Variants in PGAP6 observed in about 807,000 individuals in gnomAD.
The protein encoded by PGAP6 is post-GPI attachment to proteins factor 6.
In PGAP6, 62 loss-of-function variants were observed where a neutral mutation model predicts 68.4. That is an observed-to-expected ratio of 0.91 (90% CI 0.74 to 1.12). The LOEUF (loss-of-function observed/expected upper bound fraction) is 1.12, where lower values mean the gene tolerates loss of function less well. Among genes scored for constraint, PGAP6 ranks in the 50% most tolerant of loss-of-function variants. The probability of loss-of-function intolerance (pLI) is 0.00; values close to 1 mark genes in which losing one functional copy is unlikely to be tolerated. For missense variants in PGAP6, 1,188 were observed against 1,068.5 expected (o/e 1.11, Z -1.56); for synonymous variants, 575 against 474.0 (o/e 1.21, Z -2.77).
chr16:376,774 T>C lies in PGAP6; in HGVS notation c.674A>G (p.Glu225Gly). ...VPDYTRELLL[E>G]LRDCVSNGSL... ...CCCATTGGACACGCAGTCCCGCAGC[T>C]CCAGCAGAAGCTCCCGCGTGTAATC... Residue 225 changes from glutamate to glycine, a missense_variant, in exon 5 of 13, where the codon GAG becomes GGG. By Grantham distance (98) the Glu-to-Gly change is moderately conservative. Transcript: ENST00000431232. 6.2e-7 allele frequency: 1 copy of C among 1,610,220 alleles called. No individual in the cohort carries two copies. Among genetic ancestry groups the C allele is most frequent in the East Asian group, 2.2e-5 (1 of 44,848 alleles).
upstream of PGAP6, among the ~76,000 whole-genome samples, chr16:383,759 G>C (rs923861404): frequency 1.3e-5 from 2 of 152,260 alleles, no homozygotes; most frequent in Non-Finnish European, 2.9e-5. Context: ...GGTTGACCTT[G>C]GAGGAGGAGA....
Position 377,607 on chromosome 16 carries a change from C to T in PGAP6, c.300-22G>A, listed in dbSNP as rs778804894. ...GTGCCTGGAGACGGGAGAGCAGCAC[C>T]GGGTTCAGGCACAGGGCTTGGCCAG... On this transcript the variant is annotated intron_variant, in intron 2 of 12. Coordinates refer to ENST00000431232, the MANE Select transcript of PGAP6 (RefSeq NM_021259.3). The T allele has an allele frequency of 2.4e-5, 37 of 1,563,816 alleles. No homozygotes were observed. The East Asian group carries it at 2.4e-4, about 10-fold the overall frequency.
At position 375,137 on chromosome 16, in the gene PGAP6, CA is replaced by C; in HGVS notation, c.1434del (p.Asn478LysfsTer22). On this transcript the variant is annotated frameshift_variant, in exon 8 of 13. Coordinates refer to ENST00000431232, the MANE Select transcript of PGAP6 (RefSeq NM_021259.3). LOFTEE classifies it high-confidence loss of function. Reference protein sequence around the residue: ...YLSLQLMCPENAEDCEQAVVH... With the variant: ...YLSLQLMCPEXAEDCEQAVVH... ...CTCTGCCCTAGGTTTACTTACTCAG[CA>C]TTCTCAGGGCACATGAGCTGCAGGG... 1 of 1,613,270 alleles carries C rather than the reference CA, an allele frequency of 6.2e-7. No homozygotes were observed. The highest frequency in any genetic ancestry group is 8.5e-7 in the Non-Finnish European group (1 of 1,179,944).
At chr16:375,502 C>A in intron 6 of PGAP6, 67 bp from the exon 7 acceptor site, 1 of 1,353,304 alleles carries the variant, frequency 7.4e-7, no homozygotes, top group Non-Finnish European at 1.1e-6. Context: ...ATCTGCCCCA[C>A]GTGCCAGCTC....
At chr16:382,193 C>T (rs2054450065), upstream of PGAP6, 2 of 391,724 alleles carry the variant, frequency 5.1e-6, no homozygotes, top group Non-Finnish European at 9.0e-6. Context: ...CGCGGGGGTC[C>T]CAGGACGGAG....
chr16:375,631 A>G (rs556873167), intron 6 of PGAP6, among the ~76,000 whole-genome samples, 196 bp from the exon 7 acceptor site: 308 of 150,750 alleles, frequency 2.0e-3, no homozygotes, highest in Non-Finnish European at 1.9e-3. Flanking sequence ...CCCTGGGTTC[A>G]TGCCATTCTC....
At position 372,278 on chromosome 16, in the gene PGAP6, G is replaced by GT. The variant is rs2054341773; in HGVS notation, c.2024dup (p.Tyr675Ter). ...AGCACTGGCGCCGGTGCCCGCAGCG[G>GT]TAAGCCTGGAGAAAACAGCCACGCA... ...AFVIMASMWA[Y>*]RCGHRRQCYP... The change falls in exon 13 of 13, where the codon TAC becomes TAAC. Residue 675 changes from tyrosine (Y) to a stop codon, truncating the protein, a stop_gained and frameshift_variant. Coordinates refer to ENST00000431232, the MANE Select transcript of PGAP6 (RefSeq NM_021259.3). LOFTEE classifies it low-confidence loss of function (END_TRUNC). The GT allele has an allele frequency of 1.2e-6, 2 of 1,607,800 alleles. No individual in the cohort carries two copies. The highest frequency in any genetic ancestry group is 1.7e-6 in the Non-Finnish European group (2 of 1,179,436).
chr16:372,432 G>A, intron 12 of PGAP6, 149 bp from the exon 13 acceptor site: 1 of 1,015,600 alleles, frequency 9.8e-7, no homozygotes, highest in Non-Finnish European at 1.5e-6. Context: ...AAGGCCACTG[G>A]TCCTCAGGCC....
intron 1 of PGAP6, among the ~76,000 whole-genome samples, chr16:379,902 C>T (rs919833331): frequency 8.5e-5 from 13 of 152,366 alleles, no homozygotes; most frequent in African/African-American, 3.1e-4. Flanking sequence ...TACACAGCCC[C>T]CTGCCTGCCC....
chr16:375,046 C>T (rs541020642), intron 8 of PGAP6, 87 bp downstream of exon 8: 260 of 1,581,928 alleles, frequency 1.6e-4, no homozygotes, highest in South Asian at 1.1e-3. Flanking sequence ...TGGGTCACTC[C>T]GAACGCCAAC....
upstream of PGAP6, chr16:384,492 A>C (rs2054468750): frequency 6.6e-6 from 1 of 152,290 alleles, no homozygotes; most frequent in Admixed American, 6.5e-5. Context: ...GCCACAACAG[A>C]TGCTCACACT....
intron 8 of PGAP6, 33 bp downstream of exon 8, chr16:375,100 C>T (rs1158812083): frequency 5.6e-6 from 9 of 1,608,464 alleles, no homozygotes; most frequent in Non-Finnish European, 7.6e-6. Context: ...TGACAGGGTG[C>T]CTGGCCCCCG....
rs2054388948 is a variant in PGAP6, at chr16:376,794, G to C, written c.654C>G (p.Tyr218Ter). ...GCAGCTCCAGCAGAAGCTCCCGCGTGTAATCGGGGACAAAGACCCTGCAGC... is the reference window on the plus strand; with the variant it reads ...GCAGCTCCAGCAGAAGCTCCCGCGTCTAATCGGGGACAAAGACCCTGCAGC... ...PSYLKVFVPD[Y>*]TRELLLELRD... is the part of the protein sequence containing the mutation. The change falls in exon 5 of 13, where the codon TAC (tyrosine) becomes TAG (stop). Residue 218 changes from tyrosine to a stop codon, truncating the protein, a stop_gained. Coordinates refer to ENST00000431232, the MANE Select transcript of PGAP6 (RefSeq NM_021259.3). LOFTEE classifies it high-confidence loss of function. The C allele has an allele frequency of 1.9e-6, 3 of 1,607,814 alleles. No individual in the cohort carries two copies. The highest frequency in any genetic ancestry group is 2.5e-6 in the Non-Finnish European group (3 of 1,179,912).
In PGAP6 at chr16:376,762, C is replaced by T. The variant is rs1256537889; in HGVS notation, c.686G>A (p.Cys229Tyr). ...TRELLLELRD[C>Y]VSNGSLGCPV... is the part of the protein sequence containing the mutation. Reference sequence around the variant, plus strand: ...GCAGCCCAGGCTCCCATTGGACACGCAGTCCCGCAGCTCCAGCAGAAGCTC... The same window carrying T: ...GCAGCCCAGGCTCCCATTGGACACGTAGTCCCGCAGCTCCAGCAGAAGCTC... The change falls in exon 5 of 13, where the codon TGC (cysteine) becomes TAC (tyrosine). Residue 229 changes from cysteine to tyrosine, a missense_variant. By Grantham distance (194) the Cys-to-Tyr change is radical. Transcript: ENST00000431232. 1.2e-6 allele frequency: 2 copies of T among 1,610,912 alleles called. No individual in the cohort carries two copies. The highest frequency in any genetic ancestry group is 1.7e-6 in the Non-Finnish European group (2 of 1,179,888).
chr16:375,871 G>GCACCGGGACCTTCCT (rs1380306715), intron 6 of PGAP6, among the ~76,000 whole-genome samples: 3 of 152,204 alleles, frequency 2.0e-5, no homozygotes, highest in Non-Finnish European at 4.4e-5. Context: ...GGCCCACGGT[G>GCACCGGGACCTTCCT]CACCGGGACC....
intron 11 of PGAP6, 69 bp downstream of exon 11, chr16:373,936 G>A: frequency 1.3e-6 from 2 of 1,502,652 alleles, no homozygotes; most frequent in South Asian, 1.2e-5. Flanking sequence ...CCACGGTACT[G>A]CCTTTCGCAG....
intron 11 of PGAP6, 28 bp downstream of exon 11, chr16:373,977 C>A (rs1380718980): frequency 6.3e-7 from 1 of 1,581,758 alleles, no homozygotes; most frequent in Non-Finnish European, 8.6e-7. Context: ...TCCCCCGGAG[C>A]CCACACCCCA....
upstream of PGAP6, among the ~76,000 whole-genome samples, chr16:385,719 G>C (rs1567328912): frequency 7.0e-6 from 1 of 143,690 alleles, no homozygotes; most frequent in Non-Finnish European, 1.5e-5. Context: ...CCGCCTCCCA[G>C]GTTCACGCCA....
upstream of PGAP6, among the ~76,000 whole-genome samples, chr16:382,737 G>A (rs1159169918): frequency 6.8e-6 from 1 of 146,894 alleles, no homozygotes; most frequent in Non-Finnish European, 1.5e-5. Flanking sequence ...GTTCCGCCGC[G>A]TCGTGGGTGG....
Sources: gnomAD v4.1 joint callset for allele counts (sites outside exome capture counted in the v4.1 genomes callset) on GRCh38, gnomAD v4.1.1 for gene constraint, MANE v1.5 for transcripts, NCBI Gene and HGNC (gene_info 2026-07-23, HGNC 2026-07-21) for gene names.